NLK: variants seen among roughly 807,000 people sequenced by gnomAD.
NLK encodes serine/threonine-protein kinase NLK.
A neutral mutation model predicts 59.0 loss-of-function variants in NLK; 11 were observed. That is an observed-to-expected ratio of 0.19 (90% CI 0.12 to 0.31). NLK has a LOEUF of 0.31. Among genes scored for constraint, NLK ranks in the 10% least tolerant of loss-of-function variants. The pLI, the probability that NLK is intolerant of heterozygous loss-of-function variation, is 1.00. For synonymous variants in NLK, 235 were observed against 235.9 expected (o/e 1.00, Z 0.03); for missense variants, 410 against 661.1 (o/e 0.62, Z 4.16).
At chr17:28,184,675 T>C (rs1042350421) in intron 7 of NLK, among the ~76,000 whole-genome samples, 19 of 152,294 alleles carry the variant, frequency 1.2e-4, no homozygotes, top group African/African-American at 4.6e-4. Flanking sequence ...GGGATGGACG[T>C]GGTGGCTCAC....
intron 7 of NLK, among the ~76,000 whole-genome samples, chr17:28,183,360 ACT>A (rs1330422021): frequency 6.6e-6 from 1 of 151,806 alleles, no homozygotes; most frequent in East Asian, 1.9e-4. Flanking sequence ...TTAGAATCTC[ACT>A]CTGTCACCCA....
chr17:28,198,715 T>G (rs1333763759), downstream of NLK, among the ~76,000 whole-genome samples: 2 of 152,206 alleles, frequency 1.3e-5, no homozygotes, highest in African/African-American at 4.8e-5. Context: ...AAGACGAATT[T>G]CTTACACATC....
Position 28,194,951 on chromosome 17 carries a change from T to G in NLK, c.*315T>G, listed in dbSNP as rs34739978. 1.2e-3 allele frequency: 287 copies of G among 233,314 alleles called. 1 individual carries two copies. The highest frequency in any genetic ancestry group is 5.9e-3 in the African/African-American group (263 of 44,400). The allele number at this position is 233,314 out of a possible 1,614,324, so 14.5% of individuals were successfully genotyped here. On this transcript the variant is annotated 3_prime_UTR_variant, in exon 11 of 11. Coordinates refer to ENST00000407008, the MANE Select transcript of NLK (RefSeq NM_016231.5). The stretch of plus-strand genomic sequence containing the variant: ...TTTGGGAGTTTGGGGTTTTATGTTT[T>G]GTTTTTCTTTTCTAAAATGAAGTGA...
At chr17:28,138,166 C>G (rs765938955) in intron 3 of NLK, among the ~76,000 whole-genome samples, 1 of 152,082 alleles carries the variant, frequency 6.6e-6, no homozygotes, top group African/African-American at 2.4e-5. Flanking sequence ...ATTAACAGGC[C>G]CCTTCCCAGA....
intron 2 of NLK, among the ~76,000 whole-genome samples, chr17:28,132,388 C>T (rs1191831616): frequency 2.0e-5 from 3 of 152,106 alleles, no homozygotes; most frequent in Non-Finnish European, 4.4e-5. Context: ...ATTTTGGTAG[C>T]GTGTGGTGTA....
chr17:28,043,092 GGCAGCCGCAGCAGCGGCT>G lies in NLK; in HGVS notation c.225_242del (p.Ala78_Ala83del), dbSNP rs780017549. On this transcript the variant is annotated inframe_deletion, in exon 1 of 11. Coordinates refer to ENST00000407008, the MANE Select transcript of NLK (RefSeq NM_016231.5). ...AGCAGCACACCTCTTCGGCAGCTGCGGCAGCCGCAGCAGCGGCTGCAGCTGCAGCCATGTTAAACCCTG... is the reference window on the plus strand; with the variant it reads ...AGCAGCACACCTCTTCGGCAGCTGCGGCAGCTGCAGCCATGTTAAACCCTG... The G allele has an allele frequency of 2.0e-5, 32 of 1,579,220 alleles. No homozygotes were observed. The Admixed American group carries it at 2.1e-4, about 10-fold the overall frequency.
At chr17:28,052,283 A>G (rs772478665) in intron 1 of NLK, among the ~76,000 whole-genome samples, 9 of 152,146 alleles carry the variant, frequency 5.9e-5, no homozygotes, top group Non-Finnish European at 1.2e-4. Context: ...AATGTTCAGT[A>G]TTTTGTCATC....
At chr17:28,109,403 C>G (rs1905367244) in intron 1 of NLK, among the ~76,000 whole-genome samples, 1 of 152,158 alleles carries the variant, frequency 6.6e-6, no homozygotes, top group Non-Finnish European at 1.5e-5. Context: ...TATATACCAT[C>G]AAATTTACCC....
intron 3 of NLK, among the ~76,000 whole-genome samples, chr17:28,139,114 GGTT>G (rs1287025838): frequency 6.6e-6 from 1 of 152,054 alleles, no homozygotes; most frequent in African/African-American, 2.4e-5. Context: ...AAATTAGCCG[GGTT>G]TGGTGGCACG....
At chr17:28,046,660 A>T (rs2142730191) in intron 1 of NLK, among the ~76,000 whole-genome samples, 1 of 152,324 alleles carries the variant, frequency 6.6e-6, no homozygotes, top group Admixed American at 6.5e-5. Flanking sequence ...GCTGTGGTTA[A>T]AGATGTAACA....
intron 1 of NLK, among the ~76,000 whole-genome samples, chr17:28,063,404 C>G (rs965958145): frequency 2.6e-5 from 4 of 151,844 alleles, no homozygotes; most frequent in African/African-American, 9.7e-5. Flanking sequence ...AATTTAAAAT[C>G]GAGGATGATT....
At chr17:28,114,702 A>G (rs1905683502) in intron 1 of NLK, among the ~76,000 whole-genome samples, 1 of 152,184 alleles carries the variant, frequency 6.6e-6, no homozygotes, top group Admixed American at 6.5e-5. Context: ...TTATATCTAC[A>G]TCCTACCTGG....
At chr17:28,173,925 CACCCTTATGCT>C (rs1340380614) in intron 7 of NLK, among the ~76,000 whole-genome samples, 4 of 152,208 alleles carry the variant, frequency 2.6e-5, no homozygotes, top group Non-Finnish European at 5.9e-5. Context: ...GAAGATCAGA[CACCCTTATGCT>C]ACCCTTCTGT....
intron 1 of NLK, among the ~76,000 whole-genome samples, chr17:28,085,376 C>T (rs1910478952): frequency 6.6e-6 from 1 of 152,188 alleles, no homozygotes; most frequent in South Asian, 2.1e-4. Context: ...AAAGTACATA[C>T]AGTCATGCAC....
chr17:28,117,701 GA>G (rs1489232024), intron 1 of NLK, among the ~76,000 whole-genome samples: 5 of 152,196 alleles, frequency 3.3e-5, no homozygotes, highest in South Asian at 2.1e-4. Context: ...GCAAATTTGG[GA>G]ATCATTTTAT....
At chr17:28,111,894 GTGGTGTGTGTGTGTGTGT>G (rs1227800422) in intron 1 of NLK, among the ~76,000 whole-genome samples, 97 of 102,434 alleles carry the variant, frequency 9.5e-4, no homozygotes, top group African/African-American at 4.0e-3. Flanking sequence ...GTGTGTGTGT[GTGGTGTGTGTGTGTGTGT>G]GTGTGTGTGT....
chr17:28,108,343 C>G (rs1200232715), intron 1 of NLK, among the ~76,000 whole-genome samples: 1 of 151,946 alleles, frequency 6.6e-6, no homozygotes, highest in Non-Finnish European at 1.5e-5. Flanking sequence ...GTAAAGGCAT[C>G]TTCTGTTAAA....
At chr17:28,051,807 C>T (rs1909266187) in intron 1 of NLK, among the ~76,000 whole-genome samples, 1 of 151,946 alleles carries the variant, frequency 6.6e-6, no homozygotes, top group African/African-American at 2.4e-5. Flanking sequence ...TTTATAAAAT[C>T]CTGTGTTTCC....
At chr17:28,087,051 CAA>C (rs569131317) in intron 1 of NLK, among the ~76,000 whole-genome samples, 15 of 112,628 alleles carry the variant, frequency 1.3e-4, no homozygotes, top group Middle Eastern at 4.9e-3. Context: ...TTGTCGCTCT[CAA>C]AAAAAAAAAA....
Sources: allele counts gnomAD v4.1 joint callset (sites outside exome capture counted in the v4.1 genomes callset), GRCh38; gene constraint gnomAD v4.1.1; transcripts MANE v1.5; gene names NCBI Gene and HGNC (gene_info 2026-07-23, HGNC 2026-07-21).